The following ANKRD11 variants were observed in gnomAD, a reference collection of about 807,000 sequenced individuals.
The protein encoded by ANKRD11 is ankyrin repeat domain 11, also known as ankyrin repeat domain-containing protein 11.
ANKRD11 carries 17 observed loss-of-function variants against 195.7 expected under a neutral mutation model. The observed-to-expected ratio is 0.09, with a 90% CI of 0.06 to 0.13. The LOEUF (loss-of-function observed/expected upper bound fraction) is 0.13. Among genes scored for constraint, ANKRD11 ranks in the 10% least tolerant of loss-of-function variants. ANKRD11 has a pLI of 1.00. For synonymous variants in ANKRD11, 1,953 were observed against 1,528.1 expected, an observed-to-expected ratio of 1.28 and a Z score of -6.49; for missense variants, 3,735 against 3,566.1, an observed-to-expected ratio of 1.05 and a Z score of -1.21.
At chr16:89,378,509 G>C (rs1045424538) in intron 2 of ANKRD11, among the ~76,000 whole-genome samples, 5 of 152,142 alleles carry the variant, frequency 3.3e-5, no homozygotes, top group African/African-American at 1.2e-4. Flanking sequence ...CAAAAACGTA[G>C]AGCTTTAAAG....
At chr16:89,373,184 G>C (rs528223165) in intron 2 of ANKRD11, 2 of 152,238 alleles carry the variant, frequency 1.3e-5, no homozygotes, top group African/African-American at 4.8e-5. Flanking sequence ...ATCATCCAAT[G>C]CAACTGGAAA....
rs1296182635 is a variant in ANKRD11 at position 89,334,963 on chromosome 16, A to AG, written c.-59-17886dup. ...GGCAGACAGTCAAGCAGCAGAGTGG[A>AG]GGGGAGGTCCAGGAGGAGATCCCAC... On this transcript the variant is annotated intron_variant, in intron 2 of 12. Transcript: ENST00000301030. Among the ~76,000 whole-genome samples, 5 of 152,100 alleles carry AG rather than the reference A, an allele frequency of 3.3e-5. No individual in the cohort carries two copies. The East Asian group carries it at 9.7e-4, about 30-fold the overall frequency.
chr16:89,458,689 C>T (rs2056539993), intron 1 of ANKRD11, among the ~76,000 whole-genome samples: 2 of 152,230 alleles, frequency 1.3e-5, no homozygotes, highest in African/African-American at 4.8e-5. Flanking sequence ...GAAGCTGTTT[C>T]ATTCAACAGC....
chr16:89,340,315 T>C (rs752003717), intron 2 of ANKRD11, among the ~76,000 whole-genome samples: 1 of 152,286 alleles, frequency 6.6e-6, no homozygotes, highest in South Asian at 2.1e-4. Context: ...TCTCGCTCTG[T>C]CGCCCAGGCT....
chr16:89,286,322 G>A (rs909938500), intron 7 of ANKRD11, 136 bp from the exon 8 acceptor site: 1 of 1,288,886 alleles, frequency 7.8e-7, no homozygotes, highest in Non-Finnish European at 1.1e-6. Context: ...GAGGGTGTGG[G>A]AGCCGAGCGC....
intron 4 of ANKRD11, among the ~76,000 whole-genome samples, chr16:89,304,907 C>G (rs2036086064): frequency 6.6e-6 from 1 of 152,238 alleles, no homozygotes; most frequent in Non-Finnish European, 1.5e-5. Flanking sequence ...TCAGAAGACC[C>G]ACAGGTGAGC....
chr16:89,393,574 C>T (rs1341103655), intron 2 of ANKRD11, among the ~76,000 whole-genome samples: 1 of 150,714 alleles, frequency 6.6e-6, no homozygotes, highest in Non-Finnish European at 1.5e-5. Flanking sequence ...CTCCCGACCT[C>T]AGAGTGATTT....
intron 2 of ANKRD11, among the ~76,000 whole-genome samples, chr16:89,355,778 G>C (rs1011742430): frequency 6.6e-6 from 1 of 152,180 alleles, no homozygotes. Context: ...CCTGACAATC[G>C]CATCTGCACC....
chr16:89,431,850 G>A (rs2042991701), intron 1 of ANKRD11, among the ~76,000 whole-genome samples: 1 of 152,072 alleles, frequency 6.6e-6, no homozygotes, highest in African/African-American at 2.4e-5. Flanking sequence ...TGCACATACA[G>A]AGCCCTCACC....
chr16:89,412,375 C>T (rs1451651235), intron 2 of ANKRD11: 1 of 151,724 alleles, frequency 6.6e-6, no homozygotes, highest in Non-Finnish European at 1.5e-5. Flanking sequence ...GTCTCCTGGC[C>T]GTGCCCCATC....
chr16:89,326,166 G>T (rs2037705936), intron 2 of ANKRD11, among the ~76,000 whole-genome samples: 2 of 152,222 alleles, frequency 1.3e-5, no homozygotes, highest in Non-Finnish European at 2.9e-5. Flanking sequence ...CAATTGCACA[G>T]CTAAAAATAA....
chr16:89,438,832 G>A (rs569899029), intron 1 of ANKRD11, among the ~76,000 whole-genome samples: 9 of 152,046 alleles, frequency 5.9e-5, no homozygotes, highest in South Asian at 2.1e-4. Context: ...ATGTGAGACC[G>A]CATCTCTATA....
intron 2 of ANKRD11, among the ~76,000 whole-genome samples, chr16:89,356,415 G>A (rs3096324): frequency 0.57 from 86,332 of 151,454 alleles, 24,851 homozygotes; most frequent in African/African-American, 0.65. Flanking sequence ...AGATGGAGCA[G>A]CTGGACACAT....
At chr16:89,316,904 C>G (rs748772795) in intron 3 of ANKRD11, 29 bp downstream of exon 3, 1 of 1,608,672 alleles carries the variant, frequency 6.2e-7, no homozygotes, top group Non-Finnish European at 8.5e-7. Flanking sequence ...GTGCGGTGAG[C>G]ATGCAGGGCT....
intron 7 of ANKRD11, 125 bp downstream of exon 7, chr16:89,288,403 G>A (rs1235370362): frequency 4.8e-6 from 7 of 1,462,690 alleles, no homozygotes; most frequent in Non-Finnish European, 6.6e-6. Context: ...TTGAGGGTGG[G>A]CAAGGCGAAA....
intron 2 of ANKRD11, among the ~76,000 whole-genome samples, chr16:89,406,916 C>A (rs897628217): frequency 6.6e-6 from 1 of 152,186 alleles, no homozygotes; most frequent in Non-Finnish European, 1.5e-5. Flanking sequence ...TGGTGGCTCA[C>A]GCCCATAATC....
intron 2 of ANKRD11, among the ~76,000 whole-genome samples, chr16:89,342,129 C>T (rs961674074): frequency 6.6e-6 from 1 of 152,076 alleles, no homozygotes; most frequent in African/African-American, 2.4e-5. Flanking sequence ...GGCACTTGGT[C>T]CCTTCTCTCA....
At chr16:89,314,852 G>A (rs2036851120) in intron 3 of ANKRD11, among the ~76,000 whole-genome samples, 1 of 152,118 alleles carries the variant, frequency 6.6e-6, no homozygotes, top group Non-Finnish European at 1.5e-5. Context: ...AAAACCTGCG[G>A]GCACAGAGGC....
chr16:89,389,420 G>GA (rs955047679), intron 2 of ANKRD11, among the ~76,000 whole-genome samples: 3 of 151,686 alleles, frequency 2.0e-5, no homozygotes, highest in South Asian at 2.1e-4. Context: ...TTACATAGGA[G>GA]AAAAAAAAGT....
Sources: gnomAD v4.1 joint callset for allele counts (sites outside exome capture counted in the v4.1 genomes callset) on GRCh38, gnomAD v4.1.1 for gene constraint, MANE v1.5 for transcripts, NCBI Gene and HGNC (gene_info 2026-07-23, HGNC 2026-07-21) for gene names.